Variants in RXFP2 observed in about 807,000 individuals in gnomAD.
RXFP2 encodes relaxin family peptide receptor 2.
Under a neutral mutation model 88.6 loss-of-function variants are expected in RXFP2, and 68 were observed. The ratio of observed to expected loss-of-function variants is 0.77; its 90% CI spans 0.63 to 0.94. The LOEUF (loss-of-function observed/expected upper bound fraction) is 0.94. RXFP2 is among the 40% of genes least tolerant of loss of function. The pLI is 0.00. For missense variants in RXFP2, 791 were observed against 893.9 expected (o/e 0.88, Z 1.47); for synonymous variants, 329 against 306.8 (o/e 1.07, Z -0.76).
intron 13 of RXFP2, among the ~76,000 whole-genome samples, chr13:31,787,484 G>A (rs1593467864): frequency 1.3e-5 from 2 of 152,196 alleles, no homozygotes; most frequent in African/African-American, 4.8e-5. Context: ...GATGTGGACA[G>A]CATGATTCTT....
At chr13:31,743,777 T>A (rs1225116373) in intron 1 of RXFP2, among the ~76,000 whole-genome samples, 1 of 152,070 alleles carries the variant, frequency 6.6e-6, no homozygotes, top group Non-Finnish European at 1.5e-5. Flanking sequence ...CTTGCTGTCC[T>A]CACCTCTGAA....
intron 7 of RXFP2, among the ~76,000 whole-genome samples, chr13:31,776,387 T>C (rs1172807012): frequency 6.6e-6 from 1 of 150,676 alleles, no homozygotes; most frequent in African/African-American, 2.4e-5. Context: ...TCCTGAGTAG[T>C]TGGGACTACA....
At chr13:31,780,365 C>T (rs1374207044) in intron 9 of RXFP2, among the ~76,000 whole-genome samples, 2 of 139,690 alleles carry the variant, frequency 1.4e-5, no homozygotes, top group Admixed American at 1.4e-4. Flanking sequence ...GCTCCCACAA[C>T]ACCAAAGTGT....
chr13:31,789,898 G>T (rs186401371), intron 14 of RXFP2, among the ~76,000 whole-genome samples: 2 of 152,238 alleles, frequency 1.3e-5, no homozygotes, highest in East Asian at 3.9e-4. Context: ...CAGTAGGTGT[G>T]ATTACTAAAA....
In RXFP2 at chr13:31,797,326, A is replaced by T; in HGVS notation, c.1912A>T (p.Asn638Tyr). 6.2e-7 allele frequency: 1 copy of T among 1,614,102 alleles called. No individual in the cohort carries two copies. The highest frequency in any genetic ancestry group is 8.5e-7 in the Non-Finnish European group (1 of 1,179,996). Residue 638 changes from asparagine (N) to tyrosine (Y), a missense_variant, in exon 17 of 18, where the codon AAT becomes TAT. By Grantham distance (143) the Asn-to-Tyr change is moderately radical. Transcript: ENST00000298386. The stretch of plus-strand genomic sequence containing the variant: ...TTTTGGAAGAGAGGTGGCTGTTGCA[A>T]ATCGTTTCTTTTTTATAGTGTTCTC... ...NCFGREVAVA[N>Y]RFFFIVFSDA...
chr13:31,777,305 G>A, intron 7 of RXFP2, 71 bp from the exon 8 acceptor site: 2 of 1,051,512 alleles, frequency 1.9e-6, no homozygotes, highest in South Asian at 1.3e-5. Context: ...TAGGCCAGGT[G>A]TTGAGGGGAG....
At chr13:31,774,812 G>A (rs574524413) in intron 6 of RXFP2, 121 bp downstream of exon 6, 7 of 710,430 alleles carry the variant, frequency 9.9e-6, no homozygotes, top group Middle Eastern at 4.8e-4. Context: ...TTATCACAAA[G>A]TACTTAGATT....
chr13:31,789,854 G>A lies in RXFP2; in HGVS notation c.1145+661G>A, dbSNP rs1873715680. ...TGGATGAAATGGTGGCTGTGAAGGT[G>A]CTCTTTTGGGAGAACATTTTGTTTA... On this transcript the variant is annotated intron_variant, in intron 14 of 17. Coordinates refer to ENST00000298386, the MANE Select transcript of RXFP2 (RefSeq NM_130806.5). Among the ~76,000 whole-genome samples, 3 of 152,194 alleles carry A rather than the reference G, an allele frequency of 2.0e-5. No homozygotes were observed. The South Asian group carries it at 6.2e-4, about 32-fold the overall frequency.
In RXFP2 at chr13:31,782,627, T is replaced by G. The variant is rs545721829; in HGVS notation, c.858-49T>G. ...GTGGCCTCTCCCAATGAGAACTGATTACTACAGCAGACGCAAACCCACATG... is the reference window on the plus strand; with the variant it reads ...GTGGCCTCTCCCAATGAGAACTGATGACTACAGCAGACGCAAACCCACATG... On this transcript the variant is annotated intron_variant, in intron 10 of 17. Transcript: ENST00000298386. The G allele has an allele frequency of 4.8e-4, 644 of 1,349,074 alleles. 3 individuals are homozygous for G. The South Asian group carries it at 7.1e-3, about 15-fold the overall frequency. The allele number at this position is 1,349,074 out of a possible 1,614,324, so 83.6% of individuals were successfully genotyped here. A position where few individuals can be genotyped will look rare whatever the true frequency, so the allele number is the denominator to read the frequency against.
intron 1 of RXFP2, among the ~76,000 whole-genome samples, chr13:31,756,525 C>A (rs1000057787): frequency 3.9e-5 from 6 of 152,068 alleles, no homozygotes; most frequent in Admixed American, 6.6e-5. Flanking sequence ...GTTAGGAGCA[C>A]TTTGCCCACA....
At chr13:31,750,216 G>A (rs371387560) in intron 1 of RXFP2, among the ~76,000 whole-genome samples, 4 of 152,068 alleles carry the variant, frequency 2.6e-5, no homozygotes, top group Admixed American at 6.6e-5. Context: ...CAAAACACTG[G>A]TCCTGACTAT....
Position 31,764,216 on chromosome 13 carries a change from C to T in RXFP2, c.320-821C>T, listed in dbSNP as rs1034874762. Among the ~76,000 whole-genome samples the T allele has an allele frequency of 3.3e-5, 5 of 151,088 alleles. No individual in the cohort carries two copies. In the Admixed American group the frequency reaches 3.3e-4, roughly 10 times the overall value. On this transcript the variant is annotated intron_variant, in intron 3 of 17. Transcript: ENST00000298386. ...TTCTCTCAAAGCCTCGCTCTCTCTCCTCTGCCCTCGTCTGTCTCTCTCTCT... is the reference window on the plus strand; with the variant it reads ...TTCTCTCAAAGCCTCGCTCTCTCTCTTCTGCCCTCGTCTGTCTCTCTCTCT...
chr13:31,793,197 G>C (rs1301101236), intron 16 of RXFP2, 109 bp downstream of exon 16: 3 of 999,330 alleles, frequency 3.0e-6, no homozygotes, highest in Non-Finnish European at 4.4e-6. Flanking sequence ...ACATAGTCAA[G>C]ACTGTGTCCT....
At chr13:31,770,883 T>A (rs972881215) in intron 5 of RXFP2, among the ~76,000 whole-genome samples, 3 of 152,194 alleles carry the variant, frequency 2.0e-5, no homozygotes, top group Non-Finnish European at 4.4e-5. Flanking sequence ...CCATAAGGAC[T>A]AATGAGTATT....
chr13:31,757,750 G>A (rs1187664504), intron 1 of RXFP2, among the ~76,000 whole-genome samples: 1 of 152,128 alleles, frequency 6.6e-6, no homozygotes, highest in Non-Finnish European at 1.5e-5. Flanking sequence ...AAATGAACCT[G>A]GATTCTGTTC....
chr13:31,778,836 G>A (rs1486380577), intron 9 of RXFP2, among the ~76,000 whole-genome samples: 2 of 151,992 alleles, frequency 1.3e-5, no homozygotes, highest in Admixed American at 6.6e-5. Flanking sequence ...CCTGACCCTC[G>A]TATGCATGTA....
At chr13:31,748,052 G>T (rs1871501330) in intron 1 of RXFP2, among the ~76,000 whole-genome samples, 1 of 152,174 alleles carries the variant, frequency 6.6e-6, no homozygotes, top group Admixed American at 6.5e-5. Context: ...AAATCACTTT[G>T]GATGTTGTAG....
At position 31,803,318 on chromosome 13, in the gene RXFP2, T is replaced by A. The variant is rs1874440743; in HGVS notation, c.*913T>A. On this transcript the variant is annotated 3_prime_UTR_variant, in exon 18 of 18. Transcript: ENST00000298386. Reference sequence around the variant, plus strand: ...AAAAAAGCAATGAAGTTTGGGGTGGTTTTTTGAAAACGAAACTGAAAAAAA... The same window carrying A: ...AAAAAAGCAATGAAGTTTGGGGTGGATTTTTGAAAACGAAACTGAAAAAAA... The A allele has an allele frequency of 6.6e-6, 1 of 152,126 alleles. No individual in the cohort carries two copies. 9.4% of individuals were successfully genotyped at this position (152,126 alleles called of 1,614,324 possible).
intron 2 of RXFP2, among the ~76,000 whole-genome samples, chr13:31,759,962 C>G (rs943519778): frequency 1.3e-5 from 2 of 152,168 alleles, no homozygotes; most frequent in Non-Finnish European, 2.9e-5. Flanking sequence ...CCCTGGCCCC[C>G]CTGAAGCTGT....
Sources: gnomAD v4.1 joint callset for allele counts (sites outside exome capture counted in the v4.1 genomes callset) on GRCh38, gnomAD v4.1.1 for gene constraint, MANE v1.5 for transcripts, NCBI Gene and HGNC (gene_info 2026-07-23, HGNC 2026-07-21) for gene names.